AGTPBP1: variants seen among roughly 807,000 people sequenced by gnomAD.
AGTPBP1 encodes ATP/GTP binding carboxypeptidase 1.
In AGTPBP1, 70 loss-of-function variants were observed where a neutral mutation model predicts 143.9. The observed-to-expected ratio is 0.49, with a 90% CI of 0.40 to 0.59. The LOEUF is 0.59. Ranked by LOEUF, AGTPBP1 falls within the 20% of genes least tolerant of loss-of-function variation. The pLI is 0.00. For synonymous variants in AGTPBP1, 463 were observed against 500.2 expected (o/e 0.93, Z 0.99); for missense variants, 1,229 against 1,464.5 (o/e 0.84, Z 2.62).
At chr9:85,705,090 G>A (rs1836896007) in intron 2 of AGTPBP1, among the ~76,000 whole-genome samples, 1 of 151,788 alleles carries the variant, frequency 6.6e-6, no homozygotes, top group Non-Finnish European at 1.5e-5. Context: ...ACATTTCATT[G>A]AAGTTCCTGA....
chr9:85,675,171 C>T (rs1411904866), intron 6 of AGTPBP1, among the ~76,000 whole-genome samples: 1 of 152,070 alleles, frequency 6.6e-6, no homozygotes, highest in East Asian at 1.9e-4. Context: ...GCTGGGATTA[C>T]AGGCATGAGA....
rs35531424 is a variant in AGTPBP1, at chr9:85,633,114, T to C, written c.1563A>G (p.Ser521=). The stretch of plus-strand genomic sequence containing the variant: ...TATCATTGTTTAAACCATGGACTGA[T>C]GAAATAGTTCTATTTTGATCACCTG... The part of the protein sequence containing the change: ...QQPGDQNRTI[S]SVHGLNNDIV... Residue 521 remains serine (S), a synonymous_variant, in exon 14 of 26, where the codon TCA becomes TCG. Coordinates refer to ENST00000357081, the MANE Select transcript of AGTPBP1 (RefSeq NM_001330701.2). 8.6e-4 allele frequency: 1,385 copies of C among 1,614,170 alleles called. 8 individuals carry two copies. Among genetic ancestry groups the C allele is most frequent in the Middle Eastern group, 5.9e-3 (36 of 6,062 alleles).
the AGTPBP1 span, chr9:85,770,387 C>A: frequency 1.2e-6 from 2 of 1,602,782 alleles, no homozygotes; most frequent in Non-Finnish European, 1.7e-6. Flanking sequence ...TCACTTAGAG[C>A]ATCATTCCAT....
the AGTPBP1 span, chr9:85,753,540 G>A: frequency 1.2e-5 from 16 of 1,342,324 alleles, no homozygotes; most frequent in African/African-American, 5.9e-5. Context: ...GATCACCTGC[G>A]GTCAGGAGTT....
the AGTPBP1 span, among the ~76,000 whole-genome samples, chr9:85,757,028 T>C: frequency 6.6e-6 from 1 of 151,848 alleles, no homozygotes; most frequent in Non-Finnish European, 1.5e-5. Context: ...AAATGTAAAA[T>C]TGATTGTGGT....
At chr9:85,638,350 G>A (rs1265265997) in intron 13 of AGTPBP1, among the ~76,000 whole-genome samples, 1 of 151,630 alleles carries the variant, frequency 6.6e-6, no homozygotes, top group Non-Finnish European at 1.5e-5. Flanking sequence ...CAAAAAAGTT[G>A]ATTAAAATAA....
At chr9:85,593,439 G>T (rs186528238) in intron 18 of AGTPBP1, among the ~76,000 whole-genome samples, 11 of 152,294 alleles carry the variant, frequency 7.2e-5, no homozygotes, top group Admixed American at 5.9e-4. Flanking sequence ...AGCAATGTGT[G>T]ATCCTTGGCT....
rs113378542 is a variant in AGTPBP1, at chr9:85,739,842, G to A, written c.-34+1933C>T. Reference sequence around the variant, plus strand: ...CAGCCTGGCCAACATGGTGAAACCCGTCTCTACTAAAAACACAAAAATTAG... The same window carrying A: ...CAGCCTGGCCAACATGGTGAAACCCATCTCTACTAAAAACACAAAAATTAG... On this transcript the variant is annotated intron_variant, in intron 1 of 25. Coordinates refer to ENST00000357081, the MANE Select transcript of AGTPBP1 (RefSeq NM_001330701.2). Among the ~76,000 whole-genome samples the A allele has an allele frequency of 9.8e-3, 1,479 of 151,552 alleles. 11 individuals carry two copies. The highest frequency in any genetic ancestry group is 0.034 in the African/African-American group (1,418 of 41,288).
intron 3 of AGTPBP1, among the ~76,000 whole-genome samples, chr9:85,683,091 C>T (rs1263213997): frequency 6.6e-6 from 1 of 152,050 alleles, no homozygotes; most frequent in Non-Finnish European, 1.5e-5. Context: ...CAGAAACTCC[C>T]GTAAGTGATA....
At chr9:85,780,948 C>T in the AGTPBP1 span, among the ~76,000 whole-genome samples, 1 of 152,044 alleles carries the variant, frequency 6.6e-6, no homozygotes, top group Non-Finnish European at 1.5e-5. Context: ...AACCTCGTCT[C>T]TACTAAAAAT....
At chr9:85,561,422 G>A (rs1457386798) in intron 25 of AGTPBP1, among the ~76,000 whole-genome samples, 1 of 151,642 alleles carries the variant, frequency 6.6e-6, no homozygotes. Flanking sequence ...TTTTCAAAAG[G>A]GCAACAACAA....
intron 25 of AGTPBP1, among the ~76,000 whole-genome samples, chr9:85,548,678 T>G (rs61523180): frequency 0.063 from 8,353 of 132,520 alleles, 283 homozygotes; most frequent in African/African-American, 0.14. Context: ...TTTTTTTGTT[T>G]TTGTTTTTGT....
chr9:85,592,956 T>C (rs17350043), intron 18 of AGTPBP1, among the ~76,000 whole-genome samples: 37,288 of 152,004 alleles, frequency 0.25, 5,707 homozygotes, highest in Non-Finnish European at 0.33. Context: ...TCAAAAAAAT[T>C]TTTAGAACCC....
At chr9:85,625,249 T>C (rs1831196893) in intron 14 of AGTPBP1, among the ~76,000 whole-genome samples, 1 of 152,262 alleles carries the variant, frequency 6.6e-6, no homozygotes, top group South Asian at 2.1e-4. Flanking sequence ...ACCAGTGGTA[T>C]TCTCAACTGA....
chr9:85,575,304 T>C lies in AGTPBP1; in HGVS notation c.3503+11A>G, dbSNP rs1467851726. The C allele has an allele frequency of 2.6e-6, 4 of 1,565,728 alleles. No homozygotes were observed. The African/African-American group carries it at 5.5e-5, about 22-fold the overall frequency. On this transcript the variant is annotated intron_variant, in intron 25 of 25. Coordinates refer to ENST00000357081, the MANE Select transcript of AGTPBP1 (RefSeq NM_001330701.2). ...TACAATATAATAAAAGAAAAAACAA[T>C]TTTTTCCTACCTAGTTACTTTGCAG...
the AGTPBP1 span, chr9:85,805,281 CG>C: frequency 8.5e-5 from 13 of 152,184 alleles, no homozygotes. Flanking sequence ...GCCCCCGCCC[CG>C]AGGCTCTCAC....
At position 85,614,204 on chromosome 9, in the gene AGTPBP1, A is replaced by G. The variant is rs1168917239; in HGVS notation, c.2335+4779T>C. 3.3e-5 allele frequency among the ~76,000 whole-genome samples: 5 copies of G among 152,192 alleles called. No individual in the cohort carries two copies. In the South Asian group the frequency reaches 1.0e-3, roughly 31 times the overall value. On this transcript the variant is annotated intron_variant, in intron 17 of 25. Transcript: ENST00000357081. ...TTAATTTAAACATTGTTAAAATTCT[A>G]TTCAAAAACAATGAAAGACACACAA...
chr9:85,716,300 C>A (rs535003788), intron 1 of AGTPBP1, among the ~76,000 whole-genome samples: 2 of 152,328 alleles, frequency 1.3e-5, no homozygotes, highest in South Asian at 4.1e-4. Flanking sequence ...ACCTCACTGA[C>A]CACTTCTAAG....
chr9:85,599,803 T>G (rs1470316632), intron 17 of AGTPBP1, among the ~76,000 whole-genome samples: 1 of 152,216 alleles, frequency 6.6e-6, no homozygotes, highest in East Asian at 1.9e-4. Context: ...CAAAAGACAT[T>G]TGGATGTCCA....
Sources: allele counts gnomAD v4.1 joint callset (sites outside exome capture counted in the v4.1 genomes callset), GRCh38; gene constraint gnomAD v4.1.1; transcripts MANE v1.5; gene names NCBI Gene and HGNC (gene_info 2026-07-23, HGNC 2026-07-21).